The following PTGER3 variants were observed in gnomAD, a reference collection of about 807,000 sequenced individuals.
PTGER3 encodes the protein prostaglandin E receptor 3.
A neutral mutation model predicts 34.7 loss-of-function variants in PTGER3; 22 were observed. The ratio of observed to expected loss-of-function variants is 0.63; its 90% CI spans 0.45 to 0.91. The LOEUF is 0.91. PTGER3 is among the 40% of genes least tolerant of loss of function. The pLI is 0.00. For missense variants in PTGER3, 468 were observed against 519.4 expected, an observed-to-expected ratio of 0.90 and a Z score of 0.96; for synonymous variants, 241 against 230.1, an observed-to-expected ratio of 1.05 and a Z score of -0.43.
intron 4 of PTGER3, among the ~76,000 whole-genome samples, chr1:70,920,421 G>A (rs1231213835): frequency 1.3e-5 from 2 of 152,204 alleles, no homozygotes; most frequent in African/African-American, 2.4e-5. Context: ...TACTGCGATT[G>A]AGCAGGGTTC....
At chr1:70,956,630 A>G (rs925719311) in intron 2 of PTGER3, among the ~76,000 whole-genome samples, 1 of 152,318 alleles carries the variant, frequency 6.6e-6, no homozygotes, top group Middle Eastern at 3.4e-3. Flanking sequence ...TAAAGCACCA[A>G]GATGAATTGG....
chr1:70,883,051 C>G (rs1308217770), intron 4 of PTGER3, among the ~76,000 whole-genome samples: 1 of 152,174 alleles, frequency 6.6e-6, no homozygotes. Context: ...TGCAAAATAT[C>G]TCAATCCTTA....
chr1:70,880,498 TGGC>T (rs1646366693), intron 4 of PTGER3, among the ~76,000 whole-genome samples: 1 of 151,630 alleles, frequency 6.6e-6, no homozygotes, highest in African/African-American at 2.4e-5. Context: ...GAGACCAGCC[TGGC>T]CAACATGGTG....
intron 1 of PTGER3, among the ~76,000 whole-genome samples, chr1:71,034,086 A>T (rs1659624013): frequency 6.6e-6 from 1 of 152,028 alleles, no homozygotes; most frequent in Admixed American, 6.6e-5. Flanking sequence ...TCTGGCCAGC[A>T]TTTTGATAGG....
intron 2 of PTGER3, among the ~76,000 whole-genome samples, chr1:70,993,369 G>C (rs1304563142): frequency 2.0e-5 from 3 of 152,270 alleles, no homozygotes; most frequent in African/African-American, 7.2e-5. Flanking sequence ...ATGTCTGTGC[G>C]ATAGAGCTTA....
At chr1:70,968,746 T>C (rs1461839691), downstream of PTGER3, among the ~76,000 whole-genome samples, 1 of 151,860 alleles carries the variant, frequency 6.6e-6, no homozygotes, top group Non-Finnish European at 1.5e-5. Context: ...CTGATATGTA[T>C]ATATAGATAT....
At chr1:71,010,701 T>C (rs2100850738) in intron 2 of PTGER3, 1 of 984,326 alleles carries the variant, frequency 1.0e-6, no homozygotes, top group African/African-American at 1.7e-5. Flanking sequence ...GTATAGTCTA[T>C]TTATCACCTT....
chr1:70,925,220 G>T (rs906919507), intron 4 of PTGER3, among the ~76,000 whole-genome samples: 2 of 152,142 alleles, frequency 1.3e-5, no homozygotes. Flanking sequence ...GGCCAGTCTG[G>T]TCTTGAACTC....
intron 4 of PTGER3, among the ~76,000 whole-genome samples, chr1:70,877,810 T>A (rs1465378571): frequency 6.6e-6 from 1 of 152,150 alleles, no homozygotes; most frequent in African/African-American, 2.4e-5. Context: ...TACTACATCA[T>A]AGTGGATTAG....
rs1647683091 is a variant in PTGER3 at position 70,922,861 on chromosome 1, A to T, written c.*23+30902T>A. On this transcript the variant is annotated intron_variant, in intron 4 of 4. Transcript: ENST00000370931. Reference sequence around the variant, plus strand: ...GTTGTGGAAGGTTTGTGAAAAATTAATTGTAAAAGAAATTCTGTGTGTGAA... The same window carrying T: ...GTTGTGGAAGGTTTGTGAAAAATTATTTGTAAAAGAAATTCTGTGTGTGAA... Among the ~76,000 whole-genome samples the T allele has an allele frequency of 2.0e-5, 3 of 152,228 alleles. No individual in the cohort carries two copies. The South Asian group carries it at 6.2e-4, about 31-fold the overall frequency.
At chr1:70,866,957 C>A (rs1001531271) in intron 4 of PTGER3, among the ~76,000 whole-genome samples, 2 of 152,208 alleles carry the variant, frequency 1.3e-5, no homozygotes, top group African/African-American at 4.8e-5. Context: ...CTTACCACAT[C>A]AGAGGTGTGT....
At chr1:71,009,099 A>G (rs5693) in intron 2 of PTGER3, 227,530 of 984,666 alleles carry the variant, frequency 0.23, 27,640 homozygotes, top group African/African-American at 0.41. Flanking sequence ...GTCAAAAAGA[A>G]CAAAATTATA....
chr1:70,936,215 C>G (rs1038478775), intron 4 of PTGER3, among the ~76,000 whole-genome samples: 1 of 152,100 alleles, frequency 6.6e-6, no homozygotes, highest in Non-Finnish European at 1.5e-5. Flanking sequence ...GGGCTCTGGG[C>G]TAGGATGAGA....
chr1:70,939,935 C>T (rs1414883380), intron 4 of PTGER3, among the ~76,000 whole-genome samples: 1 of 152,204 alleles, frequency 6.6e-6, no homozygotes, highest in Non-Finnish European at 1.5e-5. Flanking sequence ...CTCTAGCTGG[C>T]TTGAATTTCT....
At chr1:70,864,326 G>A (rs1645994512) in intron 4 of PTGER3, among the ~76,000 whole-genome samples, 1 of 152,150 alleles carries the variant, frequency 6.6e-6, no homozygotes, top group Admixed American at 6.5e-5. Context: ...AGAATGCAAT[G>A]TCCATAAGCA....
chr1:70,916,883 A>C (rs1030436472), intron 4 of PTGER3, among the ~76,000 whole-genome samples: 2 of 152,008 alleles, frequency 1.3e-5, no homozygotes, highest in Non-Finnish European at 2.9e-5. Flanking sequence ...TTGGATATTA[A>C]TATGACTTTT....
At chr1:70,982,671 C>T (rs947533764) in intron 2 of PTGER3, among the ~76,000 whole-genome samples, 13 of 152,150 alleles carry the variant, frequency 8.5e-5, no homozygotes, top group Admixed American at 7.2e-4. Context: ...CTCTCTGTCT[C>T]CCACTCCATA....
At chr1:70,965,411 T>C (rs2100649934) in intron 2 of PTGER3, among the ~76,000 whole-genome samples, 1 of 152,242 alleles carries the variant, frequency 6.6e-6, no homozygotes, top group African/African-American at 2.4e-5. Flanking sequence ...GAGACCTAGA[T>C]GTAGACCATG....
At chr1:70,873,622 A>G (rs1646210805) in intron 4 of PTGER3, among the ~76,000 whole-genome samples, 1 of 151,144 alleles carries the variant, frequency 6.6e-6, no homozygotes, top group African/African-American at 2.4e-5. Flanking sequence ...TTACATGAGT[A>G]AGTTCTTTAG....
Sources: gnomAD v4.1 joint callset for allele counts (sites outside exome capture counted in the v4.1 genomes callset) on GRCh38, gnomAD v4.1.1 for gene constraint, MANE v1.5 for transcripts, NCBI Gene and HGNC (gene_info 2026-07-23, HGNC 2026-07-21) for gene names.